C5: variants seen among roughly 807,000 people sequenced by gnomAD.
C5 encodes C3 and PZP-like alpha-2-macroglobulin domain-containing protein 4.
A neutral mutation model predicts 218.8 loss-of-function variants in C5; 140 were observed. That is an observed-to-expected ratio of 0.64 (90% CI 0.56 to 0.74). C5 has a LOEUF of 0.74. Among genes scored for constraint, C5 ranks in the 30% least tolerant of loss-of-function variants. C5 has a pLI of 0.00. For synonymous variants in C5, 614 were observed against 682.3 expected (o/e 0.90, Z 1.56); for missense variants, 1,700 against 1,969.6 (o/e 0.86, Z 2.59).
chr9:120,974,131 T>C (rs899909746), intron 30 of C5, among the ~76,000 whole-genome samples: 1 of 152,216 alleles, frequency 6.6e-6, no homozygotes, highest in South Asian at 2.1e-4. Flanking sequence ...AGCAGCTATA[T>C]GTGGGCAGCT....
In C5 at chr9:121,049,354, A is replaced by G. The variant is rs10491537; in HGVS notation, c.65+828T>C. Among the ~76,000 whole-genome samples the G allele has an allele frequency of 8.3e-3, 1,267 of 152,312 alleles. 23 individuals carry two copies. The highest frequency in any genetic ancestry group is 0.029 in the African/African-American group (1,198 of 41,578). ...AGCTGCTCGTCTTTCAAAAAGAATA[A>G]AGGCAGGATGCTAAGGTAGTTGAGT... is the stretch of plus-strand genomic sequence containing the variant. On this transcript the variant is annotated intron_variant, in intron 1 of 40. Transcript: ENST00000223642.
chr9:121,016,293 AG>A lies in C5; in HGVS notation c.1956del (p.Phe653SerfsTer31). ...TCATCTGCATTTGCATTAGTGAGGA[AG>A]GTAAGTCCAGCTAGGTGGAACACAT... ...NANVFHLAGL[T>X]FLTNANADDS... On this transcript the variant is annotated frameshift_variant, in exon 15 of 41. Coordinates refer to ENST00000223642, the MANE Select transcript of C5 (RefSeq NM_001735.3). LOFTEE classifies it high-confidence loss of function. 1 of 1,614,100 alleles carries A rather than the reference AG, an allele frequency of 6.2e-7. No homozygotes were observed. The highest frequency in any genetic ancestry group is 8.5e-7 in the Non-Finnish European group (1 of 1,179,942).
chr9:120,967,259 C>CAAAAA (rs755173508), intron 33 of C5, among the ~76,000 whole-genome samples: 1 of 74,026 alleles, frequency 1.4e-5, no homozygotes, highest in African/African-American at 3.6e-5. Flanking sequence ...AACTCCATCT[C>CAAAAA]AAAAAAAAAA....
chr9:121,002,270 ATG>A (rs1564146587), intron 20 of C5, among the ~76,000 whole-genome samples: 35 of 123,280 alleles, frequency 2.8e-4, no homozygotes, highest in Middle Eastern at 4.3e-3. Flanking sequence ...ATGTATATAT[ATG>A]TATATATACG....
At chr9:120,981,990 G>T (rs373876561) in intron 26 of C5, 51 bp from the exon 27 acceptor site, 3 of 1,169,474 alleles carry the variant, frequency 2.6e-6, no homozygotes, top group Non-Finnish European at 3.9e-6. Flanking sequence ...TCTTTAAGGC[G>T]AAATGACCTG....
the C5 span, among the ~76,000 whole-genome samples, chr9:121,072,846 A>C: frequency 6.6e-6 from 1 of 151,666 alleles, no homozygotes; most frequent in African/African-American, 2.4e-5. Context: ...AAGAAAAAAA[A>C]TGAATGTAAT....
At chr9:120,992,359 T>TG (rs2047083001) in intron 22 of C5, among the ~76,000 whole-genome samples, 1 of 152,360 alleles carries the variant, frequency 6.6e-6, no homozygotes, top group African/African-American at 2.4e-5. Flanking sequence ...AAGAGCTTAG[T>TG]ATATATGTGA....
intron 30 of C5, 116 bp from the exon 31 acceptor site, chr9:120,972,108 G>T: frequency 5.1e-6 from 4 of 787,280 alleles, no homozygotes; most frequent in South Asian, 4.3e-5. Flanking sequence ...GAGCTCTTCT[G>T]AGAGTAACTG....
chr9:121,014,105 G>T, intron 16 of C5, 35 bp from the exon 17 acceptor site: 1 of 1,567,928 alleles, frequency 6.4e-7, no homozygotes, highest in Non-Finnish European at 8.8e-7. Context: ...TCTTGATGAC[G>T]CAGAGTGATA....
At chr9:121,024,379 A>T in intron 9 of C5, among the ~76,000 whole-genome samples, 1 of 124,284 alleles carries the variant, frequency 8.0e-6, no homozygotes, top group Non-Finnish European at 1.7e-5. Flanking sequence ...GGGGGAGGGA[A>T]GGGGACATGA....
the C5 span, among the ~76,000 whole-genome samples, chr9:121,068,463 T>C: frequency 6.6e-6 from 1 of 152,048 alleles, no homozygotes; most frequent in East Asian, 1.9e-4. Context: ...AAAACACTGA[T>C]GGAAGAAATT....
At chr9:120,963,775 A>G (rs1305259487) in intron 33 of C5, 37 bp from the exon 34 acceptor site, 1 of 1,441,786 alleles carries the variant, frequency 6.9e-7, no homozygotes, top group Non-Finnish European at 9.7e-7. Flanking sequence ...ATAATAAATA[A>G]GTGAATAAGA....
At chr9:120,957,249 C>T in intron 39 of C5, 36 bp downstream of exon 39, 2 of 1,397,892 alleles carry the variant, frequency 1.4e-6, no homozygotes, top group Non-Finnish European at 2.0e-6. Context: ...TAAATAGTTG[C>T]TGAATGAAGG....
intron 22 of C5, among the ~76,000 whole-genome samples, chr9:120,992,154 G>A (rs2047081309): frequency 6.6e-6 from 1 of 152,208 alleles, no homozygotes; most frequent in African/African-American, 2.4e-5. Flanking sequence ...CTGGCATATG[G>A]AAGATGCTAA....
rs972987313 is a variant in C5, at chr9:120,957,689, A to T, written c.4679-321T>A. On this transcript the variant is annotated intron_variant, in intron 38 of 40. Transcript: ENST00000223642. ...GTTCAGAGGCTGATCCTTTAAGATG[A>T]GTGGAGTCATGCCCATGGGCATCTT... Among the ~76,000 whole-genome samples, 7 of 152,244 alleles carry T rather than the reference A, an allele frequency of 4.6e-5. No individual in the cohort carries two copies. In the East Asian group the frequency reaches 7.7e-4, roughly 17 times the overall value.
intron 10 of C5, 63 bp downstream of exon 10, chr9:121,023,341 T>C (rs1435714682): frequency 5.8e-6 from 6 of 1,040,268 alleles, no homozygotes; most frequent in South Asian, 2.5e-5. Flanking sequence ...GCCACCCACA[T>C]GTTTTCCATG....
chr9:120,988,942 G>A, intron 25 of C5, 104 bp downstream of exon 25: 1 of 843,068 alleles, frequency 1.2e-6, no homozygotes, highest in Non-Finnish European at 2.1e-6. Context: ...AGGATGACGA[G>A]GCTTTTAGCC....
the C5 span, among the ~76,000 whole-genome samples, chr9:121,065,970 A>G: frequency 6.6e-6 from 1 of 152,188 alleles, no homozygotes; most frequent in Non-Finnish European, 1.5e-5. Flanking sequence ...ATGGGCTTAA[A>G]ATATTCTATT....
At chr9:121,038,248 AAATT>A (rs1209206626) in intron 3 of C5, among the ~76,000 whole-genome samples, 3 of 152,232 alleles carry the variant, frequency 2.0e-5, no homozygotes, top group African/African-American at 7.2e-5. Context: ...TCACAGTATG[AAATT>A]AATTACATCT....
Sources: allele counts gnomAD v4.1 joint callset (sites outside exome capture counted in the v4.1 genomes callset), GRCh38; gene constraint gnomAD v4.1.1; transcripts MANE v1.5; gene names NCBI Gene and HGNC (gene_info 2026-07-23, HGNC 2026-07-21).